MAN2A1: variants seen among roughly 807,000 people sequenced by gnomAD.
MAN2A1 encodes alpha-mannosidase 2.
MAN2A1 carries 76 observed loss-of-function variants against 142.6 expected under a neutral mutation model. That is an observed-to-expected ratio of 0.53 (90% confidence interval 0.44 to 0.65). The LOEUF is 0.65. MAN2A1 is among the 30% of genes least tolerant of loss of function. The probability of loss-of-function intolerance (pLI) is 0.00; values close to 1 mark genes in which losing one functional copy is unlikely to be tolerated. For missense variants in MAN2A1, 1,311 were observed against 1,365.1 expected (o/e 0.96, Z 0.62); for synonymous variants, 559 against 473.2 (o/e 1.18, Z -2.35).
intron 4 of MAN2A1, among the ~76,000 whole-genome samples, chr5:109,740,635 C>T (rs6594398): frequency 0.7 from 106,680 of 152,090 alleles, 38,786 homozygotes; most frequent in East Asian, 0.94. Context: ...GCCATGAGGG[C>T]GAAGAGTCTG....
intron 18 of MAN2A1, among the ~76,000 whole-genome samples, 188 bp downstream of exon 18, chr5:109,846,194 C>G (rs1755340817): frequency 6.6e-6 from 1 of 152,162 alleles, no homozygotes; most frequent in Non-Finnish European, 1.5e-5. Context: ...AGATGAATCT[C>G]CTAAATCTTC....
At chr5:109,825,818 A>G (rs936513050) in intron 16 of MAN2A1, among the ~76,000 whole-genome samples, 7 of 150,364 alleles carry the variant, frequency 4.7e-5, no homozygotes, top group South Asian at 2.1e-4. Flanking sequence ...GGGGCTCTCA[A>G]TGTAGCCCAT....
chr5:109,766,402 G>T (rs990589469), intron 5 of MAN2A1, among the ~76,000 whole-genome samples: 1 of 152,072 alleles, frequency 6.6e-6, no homozygotes, highest in Admixed American at 6.6e-5. Context: ...ATCTTATGTG[G>T]TCAGTTCTTT....
chr5:109,839,647 CTCTTTT>C (rs1306499720), intron 16 of MAN2A1, among the ~76,000 whole-genome samples: 3 of 131,228 alleles, frequency 2.3e-5, no homozygotes, highest in African/African-American at 5.5e-5. Flanking sequence ...CCCTGTCTCT[CTCTTTT>C]TTTTTTTTTT....
In MAN2A1 at chr5:109,781,586, A is replaced by C; in HGVS notation, c.1565A>C (p.Glu522Ala). The C allele has an allele frequency of 2.5e-6, 4 of 1,596,502 alleles. No individual in the cohort carries two copies. The highest frequency in any genetic ancestry group is 1.3e-5 in the African/African-American group (1 of 74,136). ...PFYKRMDRIM[E>A]SHLRAAEILY... Reference sequence around the variant, plus strand: ...TACAAACGAATGGACAGAATCATGGAATCTCATTTAAGGTACTTTTACCTT... The same window carrying C: ...TACAAACGAATGGACAGAATCATGGCATCTCATTTAAGGTACTTTTACCTT... Residue 522 changes from glutamate to alanine, a missense_variant, in exon 9 of 22, where the codon GAA becomes GCA. Glu to Ala is a moderately radical substitution (Grantham distance 107, BLOSUM62 -1). Coordinates refer to ENST00000261483, the MANE Select transcript of MAN2A1 (RefSeq NM_002372.4).
intron 4 of MAN2A1, among the ~76,000 whole-genome samples, chr5:109,753,566 G>A (rs1466666893): frequency 1.3e-5 from 2 of 152,062 alleles, no homozygotes; most frequent in Non-Finnish European, 1.5e-5. Context: ...ATTTTTGCAG[G>A]GAATTTATTA....
intron 14 of MAN2A1, 103 bp downstream of exon 14, chr5:109,819,990 G>C: frequency 1.1e-6 from 1 of 890,266 alleles, no homozygotes; most frequent in Non-Finnish European, 1.7e-6. Flanking sequence ...AAGTAGAGCT[G>C]TATCAAATAC....
At chr5:109,811,461 A>G (rs1754315102) in intron 12 of MAN2A1, among the ~76,000 whole-genome samples, 1 of 152,088 alleles carries the variant, frequency 6.6e-6, no homozygotes. Context: ...TTTATGTTCT[A>G]CTAAGTGACA....
intron 1 of MAN2A1, among the ~76,000 whole-genome samples, chr5:109,704,441 G>C (rs888822113): frequency 1.3e-5 from 2 of 152,168 alleles, no homozygotes; most frequent in Non-Finnish European, 2.9e-5. Flanking sequence ...ATTCAGGCAT[G>C]TTAGGCTCTG....
At chr5:109,760,108 G>A (rs1312377442) in intron 5 of MAN2A1, among the ~76,000 whole-genome samples, 1 of 151,988 alleles carries the variant, frequency 6.6e-6, no homozygotes, top group Admixed American at 6.6e-5. Context: ...ATCTATGTTA[G>A]GTATTTCTCC....
rs1350410827 is a variant in MAN2A1, at chr5:109,866,945, G to T, written c.3382G>T (p.Glu1128Ter). 1.9e-6 allele frequency: 3 copies of T among 1,612,448 alleles called. No individual in the cohort carries two copies. Among genetic ancestry groups the T allele is most frequent in the Non-Finnish European group, 2.5e-6 (3 of 1,179,234 alleles). The change falls in exon 22 of 22, where the codon GAG (glutamate) becomes TAG (stop). Residue 1128 changes from glutamate to a stop codon, truncating the protein, a stop_gained. Coordinates refer to ENST00000261483, the MANE Select transcript of MAN2A1 (RefSeq NM_002372.4). LOFTEE classifies it high-confidence loss of function. ...HSPPGTQNIS[E>*]INLSPMEIST... ...ACCTCCCGGCACTCAGAATATAAGT[G>T]AGATCAACTTGAGTCCAATGGAAAT...
chr5:109,721,049 C>T (rs1751589060), intron 3 of MAN2A1, among the ~76,000 whole-genome samples: 1 of 152,040 alleles, frequency 6.6e-6, no homozygotes, highest in Non-Finnish European at 1.5e-5. Context: ...AGGGGAGTTG[C>T]AGGTCTTTGT....
At chr5:109,811,616 G>A (rs1328622937) in intron 12 of MAN2A1, among the ~76,000 whole-genome samples, 1 of 151,500 alleles carries the variant, frequency 6.6e-6, no homozygotes, top group African/African-American at 2.4e-5. Context: ...GTCTGTGTCT[G>A]TGTGTCTGCA....
Position 109,701,685 on chromosome 5 carries a change from T to C in MAN2A1, c.135+11133T>C, listed in dbSNP as rs184098166. Among the ~76,000 whole-genome samples, 1,124 of 152,322 alleles carry C rather than the reference T, an allele frequency of 7.4e-3. 11 individuals carry two copies. The highest frequency in any genetic ancestry group is 0.012 in the Admixed American group (180 of 15,298). ...ATATAGACATAAGGCAGTAAATCCC[T>C]GTACCAGTATTGAATTGGCTAGAAT... On this transcript the variant is annotated intron_variant, in intron 1 of 21. Coordinates refer to ENST00000261483, the MANE Select transcript of MAN2A1 (RefSeq NM_002372.4).
intron 4 of MAN2A1, 88 bp from the exon 5 acceptor site, chr5:109,755,241 G>A: frequency 9.9e-7 from 1 of 1,008,374 alleles, no homozygotes; most frequent in Non-Finnish European, 1.5e-6. Context: ...ATATTTAAAG[G>A]CTGTTCTTAA....
intron 4 of MAN2A1, among the ~76,000 whole-genome samples, chr5:109,734,423 T>C (rs1372595870): frequency 1.3e-5 from 2 of 152,082 alleles, no homozygotes; most frequent in Admixed American, 6.6e-5. Flanking sequence ...CTTTTGAATG[T>C]GTTTGCTCTT....
At chr5:109,824,165 C>T (rs971306682) in intron 16 of MAN2A1, among the ~76,000 whole-genome samples, 1 of 152,088 alleles carries the variant, frequency 6.6e-6, no homozygotes, top group African/African-American at 2.4e-5. Context: ...ATATTAAATA[C>T]GACTTTCAGT....
intron 12 of MAN2A1, among the ~76,000 whole-genome samples, chr5:109,808,947 C>T (rs1409544561): frequency 6.6e-6 from 1 of 152,080 alleles, no homozygotes; most frequent in East Asian, 1.9e-4. Flanking sequence ...GGGTGATCTG[C>T]CTGCCTCGGC....
At chr5:109,740,646 T>C (rs987250013) in intron 4 of MAN2A1, among the ~76,000 whole-genome samples, 12 of 152,198 alleles carry the variant, frequency 7.9e-5, no homozygotes, top group African/African-American at 2.9e-4. Flanking sequence ...GAAGAGTCTG[T>C]GATTAGTATC....
Sources: gnomAD v4.1 joint callset for allele counts (sites outside exome capture counted in the v4.1 genomes callset) on GRCh38, gnomAD v4.1.1 for gene constraint, MANE v1.5 for transcripts, NCBI Gene and HGNC (gene_info 2026-07-23, HGNC 2026-07-21) for gene names.